CFAP47: variants seen among roughly 807,000 people sequenced by gnomAD.
CFAP47 encodes the protein cilia- and flagella-associated protein 47.
In CFAP47, 29 loss-of-function variants were observed where a neutral mutation model predicts 148.1. That is an observed-to-expected ratio of 0.20 (90% CI 0.15 to 0.27). The LOEUF is 0.27. CFAP47 is among the 10% of genes least tolerant of loss of function. The probability of loss-of-function intolerance (pLI) is 1.00; values close to 1 mark genes in which losing one functional copy is unlikely to be tolerated. For missense variants in CFAP47, 1,872 were observed against 1,697.5 expected, an observed-to-expected ratio of 1.10 and a Z score of -1.81; for synonymous variants, 664 against 577.3, an observed-to-expected ratio of 1.15 and a Z score of -2.15.
intron 48 of CFAP47, among the ~76,000 whole-genome samples, chrX:36,238,043 G>T (rs143367507): frequency 9.0e-6 from 1 of 110,954 alleles, no homozygotes; most frequent in Non-Finnish European, 1.9e-5. Context: ...GGGATATCTG[G>T]ATTTTAATGT....
At chrX:36,249,245 T>C (rs782494048) in intron 48 of CFAP47, among the ~76,000 whole-genome samples, 2 of 110,593 alleles carry the variant, frequency 1.8e-5, no homozygotes, top group South Asian at 7.4e-4. Flanking sequence ...AAACAAAAGT[T>C]AGTTATTTGA....
intron 49 of CFAP47, among the ~76,000 whole-genome samples, chrX:36,273,858 C>CTGT (rs1556002220): frequency 2.7e-5 from 3 of 110,021 alleles, no homozygotes; most frequent in Non-Finnish European, 5.7e-5. Context: ...AAAAAATATA[C>CTGT]GTAAAAGGAA....
At chrX:36,320,472 G>A (rs1204951221) in intron 57 of CFAP47, among the ~76,000 whole-genome samples, 8 of 111,829 alleles carry the variant, frequency 7.2e-5, no homozygotes, top group African/African-American at 2.6e-4. Flanking sequence ...ACAGGTGGAT[G>A]TTATTATTAT....
intron 52 of CFAP47, among the ~76,000 whole-genome samples, chrX:36,300,556 T>C (rs1941288933): frequency 9.0e-6 from 1 of 111,705 alleles, no homozygotes. Flanking sequence ...CCCAAAGTGC[T>C]GGGATTACAG....
Position 36,282,069 on chromosome X carries a change from G to A in CFAP47, c.7588+1439G>A, listed in dbSNP as rs1033851116. Among the ~76,000 whole-genome samples, 6 of 111,288 alleles carry A rather than the reference G, an allele frequency of 5.4e-5. No individual in the cohort carries two copies. In the East Asian group the frequency reaches 1.7e-3, roughly 31 times the overall value. ...AAGAAATTCAGAAGGAAAGAAAAAA[G>A]TTTTGGAGATTGTAACACTTAGCAA... On this transcript the variant is annotated intron_variant, in intron 50 of 63. Coordinates refer to ENST00000378653, the MANE Select transcript of CFAP47 (RefSeq NM_001304548.2).
chrX:35,944,960 T>A (rs1316501206), intron 3 of CFAP47, among the ~76,000 whole-genome samples: 2 of 112,191 alleles, frequency 1.8e-5, no homozygotes, highest in Non-Finnish European at 3.8e-5. Flanking sequence ...TGCCACTTTC[T>A]TGGGAAAACA....
In CFAP47 at chrX:35,919,979, C is replaced by T. The variant is rs148872967; in HGVS notation, c.180C>T (p.Leu60=). The change falls in exon 1 of 64, where the codon CTC becomes CTT. Residue 60 remains leucine, a synonymous_variant. Transcript: ENST00000378653. ...LDTMAGRVYR[L]PITVHNICRW... The stretch of plus-strand genomic sequence containing the variant: ...CGATGGCCGGGAGGGTGTACCGCCT[C>T]CCGATTACTGTGCATAATATTTGCC... 0.016 allele frequency: 19,769 copies of T among 1,207,493 alleles called. 151 individuals carry two copies. The highest frequency in any genetic ancestry group is 0.037 in the Middle Eastern group (159 of 4,345).
At position 36,301,376 on chromosome X, in the gene CFAP47, G is replaced by C. The variant is rs782353727; in HGVS notation, c.7970+197G>C. On this transcript the variant is annotated intron_variant, in intron 53 of 63. Coordinates refer to ENST00000378653, the MANE Select transcript of CFAP47 (RefSeq NM_001304548.2). ...TCAAATAAAAACAAATCAGGACTTA[G>C]CAAGGAAAGAGTGTTATTCAAAAGG... is the stretch of plus-strand genomic sequence containing the variant. 4.5e-5 allele frequency among the ~76,000 whole-genome samples: 5 copies of C among 110,617 alleles called. No homozygotes were observed. The South Asian group carries it at 1.9e-3, about 42-fold the overall frequency.
At chrX:36,005,152 G>C (rs1186242116) in intron 21 of CFAP47, among the ~76,000 whole-genome samples, 1 of 109,334 alleles carries the variant, frequency 9.1e-6, no homozygotes, top group African/African-American at 3.3e-5. Flanking sequence ...TCCAACTTTT[G>C]GTATTTCTGA....
chrX:36,012,940 G>C (rs776923314), intron 21 of CFAP47, among the ~76,000 whole-genome samples: 25 of 111,117 alleles, frequency 2.2e-4, no homozygotes, highest in Non-Finnish European at 4.2e-4. Context: ...TGGCACAAGG[G>C]CAAGTAAAAG....
chrX:36,132,828 A>G (rs1379506820), intron 33 of CFAP47, among the ~76,000 whole-genome samples: 2 of 112,007 alleles, frequency 1.8e-5, no homozygotes, highest in African/African-American at 6.5e-5. Flanking sequence ...ATATCAAAGC[A>G]GATTCAAAGT....
At chrX:36,367,666 T>A (rs1352812569) in intron 62 of CFAP47, among the ~76,000 whole-genome samples, 2 of 111,624 alleles carry the variant, frequency 1.8e-5, no homozygotes, top group Non-Finnish European at 3.8e-5. Context: ...TAATAGTTTT[T>A]AATTATAGGA....
chrX:35,988,384 C>CA (rs1936746108), intron 15 of CFAP47, among the ~76,000 whole-genome samples: 2 of 111,919 alleles, frequency 1.8e-5, no homozygotes, highest in Admixed American at 9.5e-5. Context: ...ATGTGCCTAA[C>CA]AGAGTGTTGG....
chrX:36,022,552 G>A (rs1937172009), intron 22 of CFAP47, among the ~76,000 whole-genome samples: 1 of 111,305 alleles, frequency 9.0e-6, no homozygotes, highest in South Asian at 3.7e-4. Context: ...TCCTTTTGAA[G>A]CAACTTTCTA....
At chrX:36,100,400 C>A (rs867687610) in intron 32 of CFAP47, among the ~76,000 whole-genome samples, 1 of 112,121 alleles carries the variant, frequency 8.9e-6, no homozygotes, top group Non-Finnish European at 1.9e-5. Context: ...ATTCATACAA[C>A]TATAGGCAAA....
intron 48 of CFAP47, among the ~76,000 whole-genome samples, chrX:36,242,283 T>C (rs1261988482): frequency 1.8e-5 from 2 of 111,959 alleles, no homozygotes; most frequent in Non-Finnish European, 3.8e-5. Flanking sequence ...TACCTCCAAA[T>C]GAGCCCACTA....
chrX:36,080,615 T>G (rs977391107), intron 29 of CFAP47, among the ~76,000 whole-genome samples: 5 of 110,611 alleles, frequency 4.5e-5, no homozygotes, highest in Non-Finnish European at 9.5e-5. Flanking sequence ...AAAGGATGAG[T>G]TCATGTCCTT....
chrX:36,209,811 A>C (rs1940079902), intron 45 of CFAP47, among the ~76,000 whole-genome samples: 1 of 111,527 alleles, frequency 9.0e-6, no homozygotes, highest in African/African-American at 3.3e-5. Flanking sequence ...TATATTTATA[A>C]ATATGTGTAG....
Position 36,385,017 on chromosome X carries a change from CA to C in CFAP47, c.*15del. ...GTGAAGAATCAATAAAATTTTTTTC[CA>C]AAATATTTCTTGGTCTCAGGTAGAA... is the stretch of plus-strand genomic sequence containing the variant. On this transcript the variant is annotated 3_prime_UTR_variant, in exon 64 of 64. Coordinates refer to ENST00000378653, the MANE Select transcript of CFAP47 (RefSeq NM_001304548.2). 9.2e-7 allele frequency: 1 copy of C among 1,082,793 alleles called. No homozygotes were observed. Among genetic ancestry groups the C allele is most frequent in the Non-Finnish European group, 1.3e-6 (1 of 797,223 alleles). 89.2% of individuals were successfully genotyped at this position (1,082,793 alleles called of 1,213,427 possible).
Sources: gnomAD v4.1 joint callset for allele counts (sites outside exome capture counted in the v4.1 genomes callset) on GRCh38, gnomAD v4.1.1 for gene constraint, MANE v1.5 for transcripts, NCBI Gene and HGNC (gene_info 2026-07-23, HGNC 2026-07-21) for gene names.